Variants in FNTB observed in about 807,000 individuals in gnomAD.
FNTB encodes the protein protein farnesyltransferase subunit beta.
Under a neutral mutation model 59.4 loss-of-function variants are expected in FNTB, and 27 were observed. That is an observed-to-expected ratio of 0.45 (90% confidence interval 0.34 to 0.63). The LOEUF is 0.63. FNTB is among the 20% of genes least tolerant of loss of function. FNTB has a pLI of 0.02. For synonymous variants in FNTB, 230 were observed against 220.7 expected, an observed-to-expected ratio of 1.04 and a Z score of -0.37; for missense variants, 449 against 559.6, an observed-to-expected ratio of 0.80 and a Z score of 1.99.
chr14:65,002,625 A>G (rs1594993245), intron 1 of FNTB, among the ~76,000 whole-genome samples: 1 of 148,170 alleles, frequency 6.7e-6, no homozygotes, highest in Non-Finnish European at 1.5e-5. Context: ...TAATAATAAA[A>G]TAAAAAAAAA....
intron 4 of FNTB, among the ~76,000 whole-genome samples, chr14:65,026,618 C>T (rs1196903199): frequency 6.6e-6 from 1 of 152,120 alleles, no homozygotes; most frequent in Non-Finnish European, 1.5e-5. Flanking sequence ...CCAGCACTTG[C>T]AGAGGCTGCG....
At position 65,018,809 on chromosome 14, in the gene FNTB, TA is replaced by T. The variant is rs34066098; in HGVS notation, c.374+3112del. ...TGGAGGACAGAGTGAGACTCTGTCT[TA>T]AAAAAAAAAAAAAAAAAAGGCCAGG... On this transcript the variant is annotated intron_variant, in intron 4 of 11. Coordinates refer to ENST00000246166, the MANE Select transcript of FNTB (RefSeq NM_002028.4). Among the ~76,000 whole-genome samples, 340 of 108,470 alleles carry T rather than the reference TA, an allele frequency of 3.1e-3. 3 individuals carry two copies. Among genetic ancestry groups the T allele is most frequent in the African/African-American group, 5.0e-3 (140 of 27,914 alleles). The allele number at this position is 108,470 out of a possible 152,430, so 71.2% of individuals were successfully genotyped here. A position where few individuals can be genotyped will look rare whatever the true frequency, so the allele number is the denominator to read the frequency against.
rs200261877 is a variant in FNTB at position 64,986,948 on chromosome 14, C to G, written c.-6C>G. On this transcript the variant is annotated 5_prime_UTR_variant, in exon 1 of 12. Coordinates refer to ENST00000246166, the MANE Select transcript of FNTB (RefSeq NM_002028.4). ...GTCCTACACACTGTCTGCTGCTCTC[C>G]TGATCATGGCTTCTCCGAGTTCTTT... The G allele has an allele frequency of 5.7e-4, 924 of 1,614,242 alleles. 2 individuals carry two copies. The highest frequency in any genetic ancestry group is 2.4e-3 in the Admixed American group (147 of 60,036).
At chr14:65,021,975 C>G in intron 4 of FNTB, 1 of 456,040 alleles carries the variant, frequency 2.2e-6, no homozygotes, top group South Asian at 1.5e-5. Flanking sequence ...CCTGACCATT[C>G]TTCCAGAACA....
chr14:65,048,408 C>CTA (rs1452364398), intron 9 of FNTB, among the ~76,000 whole-genome samples: 1 of 151,864 alleles, frequency 6.6e-6, no homozygotes, highest in African/African-American at 2.4e-5. Flanking sequence ...GATCATATTG[C>CTA]TAACTAAAAA....
At chr14:65,060,364 G>C (rs1489062121) in intron 11 of FNTB, among the ~76,000 whole-genome samples, 2 of 150,824 alleles carry the variant, frequency 1.3e-5, no homozygotes, top group Admixed American at 1.3e-4. Flanking sequence ...CGAGGCGGGT[G>C]GATCACCTGA....
At position 65,044,371 on chromosome 14, in the gene FNTB, C is replaced by G; in HGVS notation, c.883C>G (p.Leu295Val). Reference protein sequence around the residue: ...EGGFQGRCNKLVDGCYSFWQA... With the variant: ...EGGFQGRCNKVVDGCYSFWQA... ...AGGATTTCAGGGCCGCTGCAACAAGCTGGTGGATGGCTGCTACTCCTTCTG... is the reference window on the plus strand; with the variant it reads ...AGGATTTCAGGGCCGCTGCAACAAGGTGGTGGATGGCTGCTACTCCTTCTG... The change falls in exon 9 of 12, where the codon CTG (leucine) becomes GTG (valine). Residue 295 changes from leucine to valine, a missense_variant. By Grantham distance (32) the Leu-to-Val change is conservative. Transcript: ENST00000246166. The surrounding 1 kb of genome is among the most constrained non-coding windows in gnomAD (Gnocchi z 5.5). The G allele has an allele frequency of 6.2e-7, 1 of 1,613,526 alleles. No homozygotes were observed.
At chr14:65,042,146 G>A (rs2062366703) in intron 8 of FNTB, among the ~76,000 whole-genome samples, 1 of 152,068 alleles carries the variant, frequency 6.6e-6, no homozygotes, top group African/African-American at 2.4e-5. Context: ...TTGGCACAAG[G>A]GACCAGTTTT....
chr14:64,993,302 C>T (rs1326056571), intron 1 of FNTB, among the ~76,000 whole-genome samples: 1 of 152,124 alleles, frequency 6.6e-6, no homozygotes. Flanking sequence ...AAAAAGCTGG[C>T]CTTACAATGG....
At chr14:65,026,998 A>T (rs927037638) in intron 4 of FNTB, among the ~76,000 whole-genome samples, 1 of 152,146 alleles carries the variant, frequency 6.6e-6, no homozygotes, top group Non-Finnish European at 1.5e-5. Context: ...ATGGATCCTG[A>T]CTAGGATGGT....
rs1435653921 is a variant in FNTB at position 64,990,447 on chromosome 14, C to G, written c.144+3350C>G. 6.6e-6 allele frequency among the ~76,000 whole-genome samples: 1 copy of G among 152,150 alleles called. No homozygotes were observed. On this transcript the variant is annotated intron_variant, in intron 1 of 11. Transcript: ENST00000246166. This position sits in a 1 kb window ranked among gnomAD's most constrained non-coding sequence, Gnocchi z 5.2. Reference sequence around the variant, plus strand: ...TGGGGTTTCCTTAGACTTAAGGTCACATTTCCTGTCATGTGCCTTCTCTGC... The same window carrying G: ...TGGGGTTTCCTTAGACTTAAGGTCAGATTTCCTGTCATGTGCCTTCTCTGC...
chr14:65,019,621 C>T (rs1407165919), intron 4 of FNTB, among the ~76,000 whole-genome samples: 1 of 152,112 alleles, frequency 6.6e-6, no homozygotes, highest in Non-Finnish European at 1.5e-5. Flanking sequence ...TTTCAAAAAC[C>T]ACTTGACAGT....
At position 65,005,504 on chromosome 14, in the gene FNTB, T is replaced by TCTTTCTTTCTTTCTTTCTTC. The variant is rs72026000; in HGVS notation, c.209+1201_209+1202insTTCTTTCTTCCTTTCTTTCT. On this transcript the variant is annotated intron_variant, in intron 2 of 11. Coordinates refer to ENST00000246166, the MANE Select transcript of FNTB (RefSeq NM_002028.4). ...TTCTTTCTTTCTTTCTTTCTTTCTTTCTTTCTTTCTCTCTCTCTTTCTCTT... is the reference window on the plus strand; with the variant it reads ...TTCTTTCTTTCTTTCTTTCTTTCTTTCTTTCTTTCTTTCTTTCTTCCTTTCTTTCTCTCTCTCTTTCTCTT... Among the ~76,000 whole-genome samples, 4 of 117,796 alleles carry TCTTTCTTTCTTTCTTTCTTC rather than the reference T, an allele frequency of 3.4e-5. No individual in the cohort carries two copies. In the South Asian group the frequency reaches 7.4e-4, roughly 22 times the overall value. The allele number at this position is 117,796 out of a possible 152,430, so 77.3% of individuals were successfully genotyped here.
At position 65,010,882 on chromosome 14, in the gene FNTB, T is replaced by G. The variant is rs931822135; in HGVS notation, c.210-1435T>G. On this transcript the variant is annotated intron_variant, in intron 2 of 11. Coordinates refer to ENST00000246166, the MANE Select transcript of FNTB (RefSeq NM_002028.4). The stretch of plus-strand genomic sequence containing the variant: ...TTGATACCTGTGCAGCATAGTAGAG[T>G]AGCCATTAGCCACCTGCAGCTATTT... Among the ~76,000 whole-genome samples, 45 of 152,164 alleles carry G rather than the reference T, an allele frequency of 3.0e-4. 1 individual carries two copies. Among genetic ancestry groups the G allele is most frequent in the Admixed American group, 3.9e-4 (6 of 15,266 alleles).
At chr14:65,025,296 G>C (rs1258440850) in intron 4 of FNTB, among the ~76,000 whole-genome samples, 1 of 152,182 alleles carries the variant, frequency 6.6e-6, no homozygotes, top group Non-Finnish European at 1.5e-5. Context: ...AAAGGGAGTG[G>C]ATAACCAGGT....
At chr14:65,059,969 G>A (rs1169146676) in intron 11 of FNTB, among the ~76,000 whole-genome samples, 2 of 151,500 alleles carry the variant, frequency 1.3e-5, no homozygotes, top group Non-Finnish European at 2.9e-5. Context: ...AACTAGCTGG[G>A]ATTACAGACA....
rs1280977110 is a variant in FNTB, at chr14:65,047,881, A to G, written c.955+3438A>G. ...CCTGGGCACACAGCCCGAGATGTACACAGCTTTTCCTGGAACCCTACACAA... is the reference window on the plus strand; with the variant it reads ...CCTGGGCACACAGCCCGAGATGTACGCAGCTTTTCCTGGAACCCTACACAA... On this transcript the variant is annotated intron_variant, in intron 9 of 11. Coordinates refer to ENST00000246166, the MANE Select transcript of FNTB (RefSeq NM_002028.4). This position sits in a 1 kb window ranked among gnomAD's most constrained non-coding sequence, Gnocchi z 5.2. Among the ~76,000 whole-genome samples the G allele has an allele frequency of 1.3e-5, 2 of 152,024 alleles. No individual in the cohort carries two copies. The highest frequency in any genetic ancestry group is 2.1e-4 in the South Asian group (1 of 4,826).
In FNTB at chr14:65,028,786, ATTC is replaced by A. The variant is rs2062028541; in HGVS notation, c.605+1011_605+1013del. Reference sequence around the variant, plus strand: ...GACTGAGGTAAATCAGTATGTGTTGATTCTTCTTAAGGAAAATGTTAAAAGAGT... The same window carrying A: ...GACTGAGGTAAATCAGTATGTGTTGATTCTTAAGGAAAATGTTAAAAGAGT... On this transcript the variant is annotated intron_variant, in intron 6 of 11. Coordinates refer to ENST00000246166, the MANE Select transcript of FNTB (RefSeq NM_002028.4). The surrounding 1 kb of genome is among the most constrained non-coding windows in gnomAD (Gnocchi z 4.4). Among the ~76,000 whole-genome samples, 1 of 152,198 alleles carries A rather than the reference ATTC, an allele frequency of 6.6e-6. No homozygotes were observed. The highest frequency in any genetic ancestry group is 2.4e-5 in the African/African-American group (1 of 41,454).
In FNTB at chr14:65,061,414, C is replaced by G. The variant is rs2062863429; in HGVS notation, c.*102C>G. 6.7e-7 allele frequency: 1 copy of G among 1,496,126 alleles called. No homozygotes were observed. The highest frequency in any genetic ancestry group is 8.9e-7 in the Non-Finnish European group (1 of 1,117,414). The allele number at this position is 1,496,126 out of a possible 1,614,324, so 92.7% of individuals were successfully genotyped here. ...CATTCTGTGCTACACAAGCCTTAGCCTCAGTGGAGCTGTGGTTCTCTTGGT... is the reference window on the plus strand; with the variant it reads ...CATTCTGTGCTACACAAGCCTTAGCGTCAGTGGAGCTGTGGTTCTCTTGGT... On this transcript the variant is annotated 3_prime_UTR_variant, in exon 12 of 12. Coordinates refer to ENST00000246166, the MANE Select transcript of FNTB (RefSeq NM_002028.4).
Sources: allele counts gnomAD v4.1 joint callset (sites outside exome capture counted in the v4.1 genomes callset), GRCh38; gene constraint gnomAD v4.1.1; non-coding constraint Gnocchi (gnomAD v3.1); transcripts MANE v1.5; gene names NCBI Gene and HGNC (gene_info 2026-07-23, HGNC 2026-07-21).